The following PLPP4 variants were observed in gnomAD, a reference collection of about 807,000 sequenced individuals.
The protein encoded by PLPP4 is phospholipid phosphatase 4.
Under a neutral mutation model 32.2 loss-of-function variants are expected in PLPP4, and 20 were observed. That is an observed-to-expected ratio of 0.62 (90% CI 0.44 to 0.90). PLPP4 has a LOEUF of 0.90. Among genes scored for constraint, PLPP4 ranks in the 40% least tolerant of loss-of-function variants. The pLI is 0.00. For missense variants in PLPP4, 257 were observed against 353.1 expected (o/e 0.73, Z 2.18); for synonymous variants, 127 against 133.0 (o/e 0.95, Z 0.31).
intron 3 of PLPP4, 57 bp downstream of exon 3, chr10:120,514,058 A>G (rs1464283534): frequency 6.9e-5 from 88 of 1,280,424 alleles, no homozygotes; most frequent in Non-Finnish European, 7.8e-5. Flanking sequence ...TTAGATGATC[A>G]CATTTAAGAA....
chr10:120,490,478 G>A (rs1366030135), intron 1 of PLPP4, among the ~76,000 whole-genome samples: 1 of 152,262 alleles, frequency 6.6e-6, no homozygotes, highest in Non-Finnish European at 1.5e-5. Context: ...CCACTGAGCA[G>A]ATAGACATGC....
chr10:120,503,740 T>G, intron 1 of PLPP4, 78 bp from the exon 2 acceptor site: 1 of 1,588,406 alleles, frequency 6.3e-7, no homozygotes, highest in East Asian at 2.3e-5. Context: ...TGAGGGTGCA[T>G]AGAAGGGGGG....
At chr10:120,497,669 T>C (rs1343469464) in intron 1 of PLPP4, among the ~76,000 whole-genome samples, 1 of 152,124 alleles carries the variant, frequency 6.6e-6, no homozygotes, top group Non-Finnish European at 1.5e-5. Flanking sequence ...CTTCAAACTA[T>C]ATCATGAGAA....
At chr10:120,586,637 G>C (rs1363432466) in intron 6 of PLPP4, among the ~76,000 whole-genome samples, 2 of 152,228 alleles carry the variant, frequency 1.3e-5, no homozygotes, top group South Asian at 2.1e-4. Context: ...ACAGCAACCC[G>C]ACCTAACCCT....
intron 6 of PLPP4, chr10:120,581,032 A>G: frequency 7.8e-7 from 1 of 1,289,104 alleles, no homozygotes; most frequent in Non-Finnish European, 1.0e-6. Flanking sequence ...AGGAGAGCGT[A>G]AGAAGCCTCA....
intron 5 of PLPP4, among the ~76,000 whole-genome samples, chr10:120,528,154 A>G (rs1174478245): frequency 2.2e-5 from 3 of 135,228 alleles, no homozygotes; most frequent in African/African-American, 5.6e-5. Flanking sequence ...GGCTCACTGC[A>G]AGCTCCGCCT....
At chr10:120,482,590 G>C (rs1007627960) in intron 1 of PLPP4, among the ~76,000 whole-genome samples, 1 of 152,084 alleles carries the variant, frequency 6.6e-6, no homozygotes, top group Non-Finnish European at 1.5e-5. Context: ...AAAATTTGCA[G>C]CCTGACAATG....
At chr10:120,582,166 G>A (rs900602169) in intron 6 of PLPP4, among the ~76,000 whole-genome samples, 14 of 152,182 alleles carry the variant, frequency 9.2e-5, no homozygotes, top group African/African-American at 3.4e-4. Flanking sequence ...AAAACTGGGT[G>A]GCTTAGAACA....
At chr10:120,573,286 T>C (rs1012286850) in intron 5 of PLPP4, among the ~76,000 whole-genome samples, 18 of 152,252 alleles carry the variant, frequency 1.2e-4, no homozygotes, top group African/African-American at 4.1e-4. Context: ...TGGTTTAATA[T>C]TCCATTAAAA....
intron 1 of PLPP4, among the ~76,000 whole-genome samples, chr10:120,478,861 C>A (rs1033446878): frequency 3.5e-4 from 54 of 152,206 alleles, no homozygotes; most frequent in African/African-American, 1.3e-3. Flanking sequence ...CCATGATGAA[C>A]AACCTGGAAC....
Position 120,589,617 on chromosome 10 carries a change from A to G in PLPP4, c.*115A>G, listed in dbSNP as rs1849930372. ...TTTTCATCAGTTGTTTCTCAAAGTC[A>G]TCGTACTTCTGCTTCTGTTTCACTG... On this transcript the variant is annotated 3_prime_UTR_variant, in exon 7 of 7. Transcript: ENST00000398250. The G allele has an allele frequency of 1.5e-5, 12 of 775,466 alleles. No homozygotes were observed. The South Asian group carries it at 2.3e-4, about 15-fold the overall frequency. The allele number at this position is 775,466 out of a possible 1,614,324, so 48.0% of individuals were successfully genotyped here.
intron 5 of PLPP4, among the ~76,000 whole-genome samples, chr10:120,539,785 G>A (rs1473725600): frequency 6.6e-6 from 1 of 152,074 alleles, no homozygotes; most frequent in Non-Finnish European, 1.5e-5. Flanking sequence ...TGGGTCATGA[G>A]GAACTCTATA....
chr10:120,562,356 C>T (rs1361451946), intron 5 of PLPP4, among the ~76,000 whole-genome samples: 5 of 152,124 alleles, frequency 3.3e-5, no homozygotes, highest in South Asian at 2.1e-4. Flanking sequence ...GAGTTTTCTA[C>T]ATAGAAAATC....
chr10:120,504,944 G>C (rs981052684), intron 2 of PLPP4, among the ~76,000 whole-genome samples: 4 of 152,246 alleles, frequency 2.6e-5, no homozygotes, highest in African/African-American at 9.6e-5. Context: ...AGCACCCATA[G>C]AGCTGGTGAA....
chr10:120,476,172 G>A (rs1843896999), intron 1 of PLPP4, among the ~76,000 whole-genome samples: 1 of 152,220 alleles, frequency 6.6e-6, no homozygotes, highest in Non-Finnish European at 1.5e-5. Flanking sequence ...AAAAGGGAGT[G>A]GAGGACATCA....
At chr10:120,504,371 A>G (rs551032737) in intron 2 of PLPP4, among the ~76,000 whole-genome samples, 260 of 152,314 alleles carry the variant, frequency 1.7e-3, no homozygotes, top group Non-Finnish European at 3.2e-3. Flanking sequence ...ACAGCTGAAA[A>G]CTTTCTTAAA....
intron 1 of PLPP4, among the ~76,000 whole-genome samples, chr10:120,503,422 G>C (rs970716877): frequency 1.3e-5 from 2 of 152,184 alleles, no homozygotes. Flanking sequence ...ACGGGCAGCT[G>C]TGCCAGTTAC....
chr10:120,580,106 C>T (rs568834181), intron 6 of PLPP4, among the ~76,000 whole-genome samples: 107 of 105,420 alleles, frequency 1.0e-3, no homozygotes, highest in African/African-American at 4.0e-3. Flanking sequence ...CGCGACAGAG[C>T]GAGACTCTCA....
At chr10:120,554,913 G>A (rs1490899758) in intron 5 of PLPP4, among the ~76,000 whole-genome samples, 1 of 152,064 alleles carries the variant, frequency 6.6e-6, no homozygotes, top group Non-Finnish European at 1.5e-5. Context: ...GATTTGGGTG[G>A]GAACACAAAT....
Sources: gnomAD v4.1 joint callset for allele counts (sites outside exome capture counted in the v4.1 genomes callset) on GRCh38, gnomAD v4.1.1 for gene constraint, MANE v1.5 for transcripts, NCBI Gene and HGNC (gene_info 2026-07-23, HGNC 2026-07-21) for gene names.